ABI3BP: variants seen among roughly 807,000 people sequenced by gnomAD.
The protein encoded by ABI3BP is target of Nesh-SH3.
ABI3BP carries 216 observed loss-of-function variants against 268.6 expected under a neutral mutation model. The ratio of observed to expected loss-of-function variants is 0.80; its 90% confidence interval spans 0.72 to 0.90. ABI3BP has a LOEUF of 0.90. Among genes scored for constraint, ABI3BP ranks in the 40% least tolerant of loss-of-function variants. The pLI is 0.00. For synonymous variants in ABI3BP, 730 were observed against 730.0 expected (o/e 1.00, Z 0.00); for missense variants, 2,090 against 2,182.4 (o/e 0.96, Z 0.84).
intron 54 of ABI3BP, among the ~76,000 whole-genome samples, chr3:100,793,947 C>T (rs546569342): frequency 6.6e-6 from 1 of 152,088 alleles, no homozygotes; most frequent in African/African-American, 2.4e-5. Flanking sequence ...TCAGCTCATC[C>T]CAGTGGACCT....
chr3:100,796,292 C>T (rs1361197956), intron 52 of ABI3BP, 117 bp downstream of exon 52: 3 of 729,074 alleles, frequency 4.1e-6, no homozygotes, highest in Non-Finnish European at 6.4e-6. Flanking sequence ...CATTTTATAC[C>T]CATATTTTTT....
intron 13 of ABI3BP, 105 bp from the exon 14 acceptor site, chr3:100,862,490 G>A (rs540956809): frequency 7.1e-6 from 5 of 701,696 alleles, no homozygotes; most frequent in East Asian, 5.4e-5. Context: ...CCAGAAGCCT[G>A]CAGTATACCA....
chr3:100,789,466 G>A lies in ABI3BP; in HGVS notation c.4075C>T (p.His1359Tyr). 1 of 1,601,302 alleles carries A rather than the reference G, an allele frequency of 6.2e-7. No individual in the cohort carries two copies. The highest frequency in any genetic ancestry group is 8.5e-7 in the Non-Finnish European group (1 of 1,173,510). ...TVRPRTSDKPHIRPVLNRTTT... is the reference protein window; with the variant it reads ...TVRPRTSDKPYIRPVLNRTTT... ...AGAAACAACTTACCAGGTCTGATGT[G>A]TGGCTTGTCAGATGTTCTGGGCCTC... Residue 1359 changes from histidine to tyrosine, a missense_variant, in exon 56 of 68, where the codon CAC becomes TAC. Transcript: ENST00000471714.
intron 29 of ABI3BP, among the ~76,000 whole-genome samples, chr3:100,834,324 T>C (rs571270238): frequency 3.3e-5 from 5 of 152,186 alleles, no homozygotes; most frequent in Non-Finnish European, 7.4e-5. Context: ...GGTAAGTCAT[T>C]TGTTTTTTTC....
At chr3:100,907,372 T>C (rs1448224743) in intron 2 of ABI3BP, among the ~76,000 whole-genome samples, 2 of 152,116 alleles carry the variant, frequency 1.3e-5, no homozygotes, top group Non-Finnish European at 1.5e-5. Flanking sequence ...TGGGCACCTG[T>C]AGTCCCAGCT....
intron 2 of ABI3BP, among the ~76,000 whole-genome samples, chr3:100,905,273 A>G (rs2052805010): frequency 6.6e-6 from 1 of 151,986 alleles, no homozygotes; most frequent in Admixed American, 6.5e-5. Flanking sequence ...GGGGTGGGGT[A>G]TGGGGGAAGG....
chr3:100,986,714 A>G (rs1355487604), intron 1 of ABI3BP, among the ~76,000 whole-genome samples: 1 of 152,030 alleles, frequency 6.6e-6, no homozygotes, highest in East Asian at 1.9e-4. Flanking sequence ...TAATCTGCTC[A>G]CCTCGGCCTT....
rs2098711723 is a variant in ABI3BP at position 100,841,983 on chromosome 3, A to G, written c.1765+15T>C. ...AAGATACTTTGTTTTCACTCATTAA[A>G]AAAAGCTTTATTACCTATTGTTGAC... On this transcript the variant is annotated intron_variant, in intron 21 of 67. Transcript: ENST00000471714. 6.6e-7 allele frequency: 1 copy of G among 1,526,376 alleles called. No homozygotes were observed. The highest frequency in any genetic ancestry group is 8.8e-7 in the Non-Finnish European group (1 of 1,138,318). The allele number at this position is 1,526,376 out of a possible 1,614,324, so 94.6% of individuals were successfully genotyped here.
intron 20 of ABI3BP, chr3:100,843,730 A>G: frequency 1.0e-6 from 1 of 983,080 alleles, no homozygotes; most frequent in Non-Finnish European, 1.2e-6. Context: ...ATAAACATCA[A>G]TACATGAAAT....
At chr3:100,946,696 G>A (rs1057493296) in intron 1 of ABI3BP, among the ~76,000 whole-genome samples, 2 of 151,692 alleles carry the variant, frequency 1.3e-5, no homozygotes, top group Non-Finnish European at 2.9e-5. Flanking sequence ...GCTAAGGCAG[G>A]AGAATCACTT....
At chr3:100,859,314 T>C (rs1008949025) in intron 14 of ABI3BP, among the ~76,000 whole-genome samples, 2 of 152,090 alleles carry the variant, frequency 1.3e-5, no homozygotes, top group Non-Finnish European at 2.9e-5. Context: ...ATTAGGTTGG[T>C]GCAAATGTAA....
At chr3:100,967,260 G>T (rs1585179179) in intron 1 of ABI3BP, among the ~76,000 whole-genome samples, 1 of 152,236 alleles carries the variant, frequency 6.6e-6, no homozygotes, top group East Asian at 1.9e-4. Context: ...GTAATAGTTT[G>T]GGAGGCTGAG....
At chr3:100,966,864 G>A (rs1384226305) in intron 1 of ABI3BP, among the ~76,000 whole-genome samples, 3 of 151,884 alleles carry the variant, frequency 2.0e-5, no homozygotes, top group Admixed American at 2.0e-4. Context: ...CCCCCATGAT[G>A]AGCATAGAGT....
intron 36 of ABI3BP, among the ~76,000 whole-genome samples, chr3:100,824,059 A>G (rs1324702971): frequency 6.6e-6 from 1 of 152,188 alleles, no homozygotes; most frequent in African/African-American, 2.4e-5. Context: ...GTGGTCACTC[A>G]GCCTGTAATA....
At chr3:100,909,690 A>G (rs1305781022) in intron 2 of ABI3BP, among the ~76,000 whole-genome samples, 1 of 152,254 alleles carries the variant, frequency 6.6e-6, no homozygotes, top group African/African-American at 2.4e-5. Context: ...ACTGGTCATT[A>G]GAGAAATGCA....
chr3:100,850,215 C>A, intron 16 of ABI3BP, 96 bp from the exon 17 acceptor site: 1 of 1,023,186 alleles, frequency 9.8e-7, no homozygotes, highest in South Asian at 1.5e-5. Context: ...AAAGCACATG[C>A]CACGAGTACA....
intron 1 of ABI3BP, among the ~76,000 whole-genome samples, chr3:100,932,060 C>T (rs2153667799): frequency 6.6e-6 from 1 of 151,812 alleles, no homozygotes; most frequent in South Asian, 2.1e-4. Flanking sequence ...CACACACCTA[C>T]AACAATCTGA....
At chr3:100,803,682 TA>T (rs1264873859) in intron 51 of ABI3BP, among the ~76,000 whole-genome samples, 3 of 152,330 alleles carry the variant, frequency 2.0e-5, no homozygotes, top group African/African-American at 4.8e-5. Context: ...AATCTACTGT[TA>T]TCTATAACAA....
chr3:100,920,936 A>C (rs1045196255), intron 2 of ABI3BP, among the ~76,000 whole-genome samples: 1 of 152,168 alleles, frequency 6.6e-6, no homozygotes, highest in African/African-American at 2.4e-5. Flanking sequence ...TCAAGTGAAG[A>C]CTGATCTTTC....
Sources: gnomAD v4.1 joint callset for allele counts (sites outside exome capture counted in the v4.1 genomes callset) on GRCh38, gnomAD v4.1.1 for gene constraint, MANE v1.5 for transcripts, NCBI Gene and HGNC (gene_info 2026-07-23, HGNC 2026-07-21) for gene names.